Variants in AGK observed in about 807,000 individuals in gnomAD.
AGK encodes acylglycerol kinase.
In AGK, 52 loss-of-function variants were observed where a neutral mutation model predicts 66.4. That is an observed-to-expected ratio of 0.78 (90% CI 0.63 to 0.99). The LOEUF (loss-of-function observed/expected upper bound fraction) is 0.99, where lower values mean the gene tolerates loss of function less well. Ranked by LOEUF, AGK falls within the 50% of genes least tolerant of loss-of-function variation. The pLI is 0.00. For missense variants in AGK, 451 were observed against 506.6 expected, an observed-to-expected ratio of 0.89 and a Z score of 1.05; for synonymous variants, 182 against 181.1, an observed-to-expected ratio of 1.00 and a Z score of -0.04.
At chr7:141,573,346 A>C (rs1795655077) in intron 2 of AGK, among the ~76,000 whole-genome samples, 1 of 152,084 alleles carries the variant, frequency 6.6e-6, no homozygotes, top group Non-Finnish European at 1.5e-5. Context: ...TCCAGAAAGC[A>C]GATTTCTTCT....
chr7:141,578,469 C>G lies in AGK; in HGVS notation c.102-14677C>G, dbSNP rs557403440. Among the ~76,000 whole-genome samples the G allele has an allele frequency of 1.2e-4, 18 of 151,918 alleles. No homozygotes were observed. In the East Asian group the frequency reaches 2.7e-3, roughly 23 times the overall value. ...CGATGGCTTAGCTTGGGCTCAGAGG[C>G]CTGACATTCCTGCCTTCTTATATTA... is the stretch of plus-strand genomic sequence containing the variant. On this transcript the variant is annotated intron_variant, in intron 2 of 15. Transcript: ENST00000649286.
chr7:141,616,457 A>G (rs1163341838), intron 8 of AGK: 3 of 152,122 alleles, frequency 2.0e-5, no homozygotes, highest in Non-Finnish European at 4.4e-5. Context: ...GTTTTGGTTA[A>G]GGATTTTTTT....
intron 2 of AGK, among the ~76,000 whole-genome samples, chr7:141,565,194 A>G (rs750553616): frequency 5.3e-5 from 8 of 152,310 alleles, no homozygotes; most frequent in Non-Finnish European, 1.0e-4. Flanking sequence ...TTTTGTCTCT[A>G]TAAAGACCTC....
chr7:141,563,248 C>A (rs887785429), intron 2 of AGK, among the ~76,000 whole-genome samples: 12 of 152,206 alleles, frequency 7.9e-5, no homozygotes, highest in African/African-American at 2.7e-4. Context: ...CACATTAGCC[C>A]TGCCTTTTAT....
intron 2 of AGK, among the ~76,000 whole-genome samples, chr7:141,566,775 A>G (rs1414774237): frequency 1.3e-5 from 2 of 152,036 alleles, no homozygotes; most frequent in Non-Finnish European, 2.9e-5. Flanking sequence ...TTGGTTGTCC[A>G]TTTCCTCACT....
intron 5 of AGK, among the ~76,000 whole-genome samples, chr7:141,610,389 A>G (rs988091060): frequency 5.9e-5 from 9 of 152,112 alleles, no homozygotes; most frequent in Non-Finnish European, 2.9e-5. Flanking sequence ...TCCTATTTTA[A>G]TATTAGTTGC....
chr7:141,598,110 C>T lies in AGK; in HGVS notation c.221+1469C>T, dbSNP rs1011552455. 2.0e-5 allele frequency among the ~76,000 whole-genome samples: 3 copies of T among 152,028 alleles called. No homozygotes were observed. Among genetic ancestry groups the T allele is most frequent in the Admixed American group, 6.6e-5 (1 of 15,258 alleles). ...GTTTTTCTAGTCATTTCTTGAGAGG[C>T]AGTGAGTGTGACTTCACAGACAGGA... On this transcript the variant is annotated intron_variant, in intron 4 of 15. Transcript: ENST00000649286. The surrounding 1 kb of genome is among the most constrained non-coding windows in gnomAD (Gnocchi z 4.2).
intron 10 of AGK, among the ~76,000 whole-genome samples, chr7:141,635,023 T>C (rs1420782310): frequency 2.6e-5 from 4 of 152,200 alleles, no homozygotes; most frequent in Non-Finnish European, 5.9e-5. Flanking sequence ...ACCTTGTGTT[T>C]GATCTGAAAT....
In AGK at chr7:141,555,466, G is replaced by C; in HGVS notation, c.-1G>C. 6.2e-7 allele frequency: 1 copy of C among 1,612,736 alleles called. No individual in the cohort carries two copies. Among genetic ancestry groups the C allele is most frequent in the Non-Finnish European group, 8.5e-7 (1 of 1,179,066 alleles). ...CTACTAACCTAGCAAATCTCTAGAA[G>C]ATGACGGTGTTCTTTAAAACGCTTC... On this transcript the variant is annotated 5_prime_UTR_variant, in exon 2 of 16. Transcript: ENST00000649286. The surrounding 1 kb of genome is among the most constrained non-coding windows in gnomAD (Gnocchi z 4.2).
At chr7:141,563,801 T>A (rs1795402974) in intron 2 of AGK, among the ~76,000 whole-genome samples, 2 of 152,220 alleles carry the variant, frequency 1.3e-5, no homozygotes, top group Non-Finnish European at 2.9e-5. Flanking sequence ...GCTCCTCTGT[T>A]TTCTTCCCAA....
rs888790526 is a variant in AGK, at chr7:141,615,519, A to G, written c.472A>G (p.Ser158Gly). 2 of 1,614,020 alleles carry G rather than the reference A, an allele frequency of 1.2e-6. No individual in the cohort carries two copies. Among genetic ancestry groups the G allele is most frequent in the Non-Finnish European group, 1.7e-6 (2 of 1,179,916 alleles). Residue 158 changes from serine (S) to glycine (G), a missense_variant, in exon 8 of 16, where the codon AGT becomes GGT. Ser to Gly is a moderately conservative substitution (Grantham distance 56, BLOSUM62 0). Coordinates refer to ENST00000649286, the MANE Select transcript of AGK (RefSeq NM_018238.4). ...TGGATTTATCCCACTGGGAGAGACC[A>G]GTAGTTTGAGTCATACCCTCTTTGC... is the stretch of plus-strand genomic sequence containing the variant. The part of the protein sequence containing the change: ...PIGFIPLGET[S>G]SLSHTLFAES...
intron 5 of AGK, among the ~76,000 whole-genome samples, chr7:141,610,888 T>C (rs1796570367): frequency 6.6e-6 from 1 of 152,224 alleles, no homozygotes; most frequent in Non-Finnish European, 1.5e-5. Context: ...TAATAGAATC[T>C]GCACTTGACT....
chr7:141,650,283 C>T (rs555875485), intron 14 of AGK, among the ~76,000 whole-genome samples: 1 of 152,360 alleles, frequency 6.6e-6, no homozygotes, highest in East Asian at 1.9e-4. Context: ...CCTGTTCCTT[C>T]TACAGAATGT....
Position 141,566,055 on chromosome 7 carries a change from C to T in AGK, c.101+10488C>T, listed in dbSNP as rs180829342. Among the ~76,000 whole-genome samples the T allele has an allele frequency of 2.2e-3, 328 of 152,334 alleles. 3 individuals are homozygous for T. The highest frequency in any genetic ancestry group is 7.2e-3 in the African/African-American group (299 of 41,580). ...TTCCGATCTTCGGAAGTGACATGTT[C>T]TTTCTGTTTCAGGATTTCTTGGAAT... On this transcript the variant is annotated intron_variant, in intron 2 of 15. Transcript: ENST00000649286.
At chr7:141,593,294 C>A in intron 3 of AGK, 109 bp downstream of exon 3, 1 of 1,011,054 alleles carries the variant, frequency 9.9e-7, no homozygotes, top group Non-Finnish European at 1.5e-6. Context: ...TGCAGTCTGG[C>A]TATTTTTTAG....
chr7:141,599,884 A>T (rs1048294041), intron 4 of AGK, among the ~76,000 whole-genome samples: 1 of 152,180 alleles, frequency 6.6e-6, no homozygotes, highest in African/African-American at 2.4e-5. Context: ...GGTTTGAGAT[A>T]TTCTTTTGGA....
chr7:141,572,346 G>C (rs1223040474), intron 2 of AGK, among the ~76,000 whole-genome samples: 1 of 152,248 alleles, frequency 6.6e-6, no homozygotes, highest in African/African-American at 2.4e-5. Flanking sequence ...GGAAGAACTT[G>C]TGGGTGGATG....
chr7:141,628,834 T>G (rs774375970), intron 9 of AGK, among the ~76,000 whole-genome samples: 1 of 152,236 alleles, frequency 6.6e-6, no homozygotes, highest in Non-Finnish European at 1.5e-5. Flanking sequence ...ATTCCATGAT[T>G]TTTGAAGGGC....
At chr7:141,624,750 C>T (rs1045033292) in intron 9 of AGK, among the ~76,000 whole-genome samples, 1 of 152,136 alleles carries the variant, frequency 6.6e-6, no homozygotes, top group African/African-American at 2.4e-5. Flanking sequence ...ATGCCGTGAA[C>T]CATGTTGAAA....
Sources: gnomAD v4.1 joint callset for allele counts (sites outside exome capture counted in the v4.1 genomes callset) on GRCh38, gnomAD v4.1.1 for gene constraint, Gnocchi (gnomAD v3.1) non-coding constraint, MANE v1.5 for transcripts, NCBI Gene and HGNC (gene_info 2026-07-23, HGNC 2026-07-21) for gene names.